CLSTN2: variants seen among roughly 807,000 people sequenced by gnomAD.
The protein encoded by CLSTN2 is calsyntenin 2.
A neutral mutation model predicts 101.2 loss-of-function variants in CLSTN2; 48 were observed. The ratio of observed to expected loss-of-function variants is 0.47; its 90% CI spans 0.38 to 0.60. The LOEUF (loss-of-function observed/expected upper bound fraction) is 0.60, where lower values mean the gene tolerates loss of function less well. Ranked by LOEUF, CLSTN2 falls within the 20% of genes least tolerant of loss-of-function variation. The pLI is 0.00. For missense variants in CLSTN2, 1,160 were observed against 1,238.2 expected (o/e 0.94, Z 0.95); for synonymous variants, 481 against 463.6 (o/e 1.04, Z -0.48).
chr3:139,990,665 T>TG (rs1428243086), intron 1 of CLSTN2, among the ~76,000 whole-genome samples: 1 of 152,192 alleles, frequency 6.6e-6, no homozygotes, highest in South Asian at 2.1e-4. Flanking sequence ...AGACCCCACC[T>TG]GGGGGGTGAG....
intron 2 of CLSTN2, among the ~76,000 whole-genome samples, chr3:140,213,739 T>C (rs535154945): frequency 6.6e-6 from 1 of 152,254 alleles, no homozygotes; most frequent in East Asian, 1.9e-4. Flanking sequence ...GCGAGGAGGT[T>C]AGCAAGATGG....
At chr3:140,421,066 G>C in intron 4 of CLSTN2, 59 bp from the exon 5 acceptor site, 1 of 1,552,324 alleles carries the variant, frequency 6.4e-7, no homozygotes, top group Non-Finnish European at 8.8e-7. Flanking sequence ...AGAGATTTGG[G>C]AGAAGTACAA....
In CLSTN2 at chr3:140,332,653, C is replaced by G. The variant is rs1432159552; in HGVS notation, c.233-70976C>G. Among the ~76,000 whole-genome samples the G allele has an allele frequency of 2.0e-5, 3 of 151,612 alleles. No individual in the cohort carries two copies. The East Asian group carries it at 5.8e-4, about 29-fold the overall frequency. On this transcript the variant is annotated intron_variant, in intron 2 of 16. Coordinates refer to ENST00000458420, the MANE Select transcript of CLSTN2 (RefSeq NM_022131.3). ...GTTCAGAGCCTATGAATAACTCTGT[C>G]TACCCCCTTCCTGTCACACAGTGTA...
chr3:140,478,562 T>C (rs1021823983), intron 8 of CLSTN2, among the ~76,000 whole-genome samples: 6 of 152,300 alleles, frequency 3.9e-5, no homozygotes, highest in Admixed American at 3.9e-4. Context: ...AGCAGATTAG[T>C]GGTGCCTAGG....
chr3:140,318,152 C>T (rs2087246612), intron 2 of CLSTN2, among the ~76,000 whole-genome samples: 1 of 152,148 alleles, frequency 6.6e-6, no homozygotes, highest in Non-Finnish European at 1.5e-5. Context: ...AGTCTTAACA[C>T]CTGCACCATA....
intron 6 of CLSTN2, among the ~76,000 whole-genome samples, chr3:140,456,690 G>T (rs1461707429): frequency 6.6e-6 from 1 of 152,152 alleles, no homozygotes; most frequent in Non-Finnish European, 1.5e-5. Flanking sequence ...AGGAGGCTGA[G>T]GCAGGAGAAT....
At chr3:140,157,277 C>T (rs2009970558) in intron 1 of CLSTN2, among the ~76,000 whole-genome samples, 2 of 152,160 alleles carry the variant, frequency 1.3e-5, no homozygotes, top group South Asian at 2.1e-4. Flanking sequence ...GGAGCTCCTC[C>T]TCCTCAATGT....
chr3:140,206,372 A>T (rs1048649692), intron 2 of CLSTN2, among the ~76,000 whole-genome samples: 4 of 152,216 alleles, frequency 2.6e-5, no homozygotes, highest in African/African-American at 9.6e-5. Flanking sequence ...GCTTGAGGGC[A>T]GAGGCCAAGC....
intron 1 of CLSTN2, among the ~76,000 whole-genome samples, chr3:139,959,828 A>G (rs1935472936): frequency 6.6e-6 from 1 of 152,142 alleles, no homozygotes. Context: ...CAAGCTTCAG[A>G]CACAGAATGT....
chr3:140,437,676 A>C (rs2088702240), intron 5 of CLSTN2, among the ~76,000 whole-genome samples: 1 of 152,222 alleles, frequency 6.6e-6, no homozygotes, highest in African/African-American at 2.4e-5. Context: ...AGGAAGAAGG[A>C]TGTTTCTCAG....
At chr3:140,510,423 A>G (rs1484341481) in intron 8 of CLSTN2, among the ~76,000 whole-genome samples, 1 of 152,240 alleles carries the variant, frequency 6.6e-6, no homozygotes, top group East Asian at 1.9e-4. Flanking sequence ...TCATCAGTGC[A>G]TAATAAAGGT....
In CLSTN2 at chr3:139,935,345, G is replaced by GGCTGCAGCTCGTTGGCGGCT; in HGVS notation, c.-24_-5dup. 8.5e-7 allele frequency: 1 copy of GGCTGCAGCTCGTTGGCGGCT among 1,169,682 alleles called. No individual in the cohort carries two copies. The allele number at this position is 1,169,682 out of a possible 1,614,324, so 72.5% of individuals were successfully genotyped here. A position where few individuals can be genotyped will look rare whatever the true frequency, so the allele number is the denominator to read the frequency against. On this transcript the variant is annotated 5_prime_UTR_variant, in exon 1 of 17. Transcript: ENST00000458420. This position sits in a 1 kb window ranked among gnomAD's most constrained non-coding sequence, Gnocchi z 5.5. ...AGAGCCGGCGCGGACAGTAGGCGGC[G>GGCTGCAGCTCGTTGGCGGCT]GCTGCAGCTCGTTGGCGGCTGCTGC...
Position 140,561,948 on chromosome 3 carries a change from T to G in CLSTN2, c.2042-190T>G, listed in dbSNP as rs146645996. Among the ~76,000 whole-genome samples, 5 of 152,224 alleles carry G rather than the reference T, an allele frequency of 3.3e-5. No individual in the cohort carries two copies. The East Asian group carries it at 9.7e-4, about 29-fold the overall frequency. ...GTTCCCACTAATTCATGCTACTAAT[T>G]CATCCCACTAATTCATCCTCAGGGA... On this transcript the variant is annotated intron_variant, in intron 12 of 16. Transcript: ENST00000458420.
intron 2 of CLSTN2, among the ~76,000 whole-genome samples, chr3:140,262,409 T>C (rs138186593): frequency 1.8e-3 from 270 of 152,264 alleles, no homozygotes; most frequent in Admixed American, 4.9e-3. Flanking sequence ...TGGGTGCTGT[T>C]TGGCCTGAGG....
At chr3:140,244,449 C>T (rs986060657) in intron 2 of CLSTN2, among the ~76,000 whole-genome samples, 3 of 152,096 alleles carry the variant, frequency 2.0e-5, no homozygotes, top group East Asian at 1.9e-4. Context: ...TAGGTGGCTA[C>T]GATGTTTGTG....
intron 1 of CLSTN2, among the ~76,000 whole-genome samples, chr3:139,993,385 T>A (rs1226959920): frequency 3.9e-5 from 6 of 152,156 alleles, no homozygotes. Flanking sequence ...TCGACCCCTG[T>A]CCTGGGGATA....
intron 5 of CLSTN2, among the ~76,000 whole-genome samples, chr3:140,441,521 A>G (rs2108004339): frequency 6.6e-6 from 1 of 152,344 alleles, no homozygotes; most frequent in African/African-American, 2.4e-5. Context: ...TTTGCAGATG[A>G]GAAAATTGAG....
chr3:140,290,402 C>A (rs887433481), intron 2 of CLSTN2, among the ~76,000 whole-genome samples: 1 of 152,134 alleles, frequency 6.6e-6, no homozygotes, highest in African/African-American at 2.4e-5. Context: ...ACAATATACC[C>A]GAGCATTAGG....
intron 5 of CLSTN2, 37 bp from the exon 6 acceptor site, chr3:140,448,482 A>G: frequency 2.6e-6 from 4 of 1,554,624 alleles, no homozygotes; most frequent in Non-Finnish European, 3.5e-6. Context: ...AACTGACTGC[A>G]CCTGATTCAC....
Sources: gnomAD v4.1 joint callset for allele counts (sites outside exome capture counted in the v4.1 genomes callset) on GRCh38, gnomAD v4.1.1 for gene constraint, Gnocchi (gnomAD v3.1) non-coding constraint, MANE v1.5 for transcripts, NCBI Gene and HGNC (gene_info 2026-07-23, HGNC 2026-07-21) for gene names.